SMYD3: variants seen among roughly 807,000 people sequenced by gnomAD.
SMYD3 encodes the protein SET and MYND domain containing 3, also known as histone-lysine N-methyltransferase SMYD3.
SMYD3 carries 36 observed loss-of-function variants against 57.7 expected under a neutral mutation model. That is an observed-to-expected ratio of 0.62 (90% CI 0.48 to 0.82). The LOEUF (loss-of-function observed/expected upper bound fraction) is 0.82. Ranked by LOEUF, SMYD3 falls within the 40% of genes least tolerant of loss-of-function variation. The probability of loss-of-function intolerance (pLI) is 0.00; values close to 1 mark genes in which losing one functional copy is unlikely to be tolerated. For synonymous variants in SMYD3, 211 were observed against 195.0 expected, an observed-to-expected ratio of 1.08 and a Z score of -0.68; for missense variants, 515 against 538.8, an observed-to-expected ratio of 0.96 and a Z score of 0.44.
intron 5 of SMYD3, among the ~76,000 whole-genome samples, chr1:246,120,184 TAG>T (rs1328958712): frequency 6.6e-6 from 1 of 152,206 alleles, no homozygotes; most frequent in Non-Finnish European, 1.5e-5. Flanking sequence ...TCTCCAGGTA[TAG>T]AGAGTATGCC....
At chr1:246,101,518 A>G (rs1573024422) in intron 5 of SMYD3, among the ~76,000 whole-genome samples, 1 of 152,304 alleles carries the variant, frequency 6.6e-6, no homozygotes, top group African/African-American at 2.4e-5. Context: ...CACACTCTCA[A>G]TCATCACTGT....
chr1:246,258,665 C>A (rs2063942394), intron 5 of SMYD3, among the ~76,000 whole-genome samples: 1 of 152,154 alleles, frequency 6.6e-6, no homozygotes, highest in Non-Finnish European at 1.5e-5. Context: ...TTCTTTAGCA[C>A]CGACCTTGAA....
At chr1:245,765,222 TTAA>T (rs1432644215) in intron 10 of SMYD3, among the ~76,000 whole-genome samples, 3,323 of 99,946 alleles carry the variant, frequency 0.033, 144 homozygotes, top group African/African-American at 0.17. Context: ...CCTTTCTCTA[TTAA>T]AAAAAAAAAA....
chr1:245,866,463 G>A (rs1011443348), intron 8 of SMYD3, among the ~76,000 whole-genome samples: 4 of 152,110 alleles, frequency 2.6e-5, no homozygotes, highest in Non-Finnish European at 5.9e-5. Flanking sequence ...TGGATGCGGC[G>A]GCTCATGCCT....
At chr1:245,926,298 A>G (rs989707088) in intron 7 of SMYD3, among the ~76,000 whole-genome samples, 4 of 152,240 alleles carry the variant, frequency 2.6e-5, no homozygotes, top group African/African-American at 9.7e-5. Context: ...ATTAAGACAA[A>G]GAGACACAGT....
intron 5 of SMYD3, among the ~76,000 whole-genome samples, chr1:246,148,071 C>T (rs180960234): frequency 3.9e-5 from 6 of 152,248 alleles, no homozygotes; most frequent in East Asian, 1.9e-4. Flanking sequence ...CCCCGTAAGG[C>T]CCCTCCTTCA....
chr1:246,002,674 G>C (rs113721838), intron 5 of SMYD3, among the ~76,000 whole-genome samples: 60,686 of 62,992 alleles, frequency 0.96, 29,225 homozygotes, highest in Admixed American at 0.98. Context: ...GGATGGTCTC[G>C]ATCTCCTGAC....
chr1:246,287,129 C>T (rs1403269135), intron 5 of SMYD3, among the ~76,000 whole-genome samples: 1 of 152,022 alleles, frequency 6.6e-6, no homozygotes, highest in Non-Finnish European at 1.5e-5. Context: ...GCCTCGGCCT[C>T]CCAAAGTGCA....
At chr1:246,375,798 C>T (rs1195293707) in intron 1 of SMYD3, among the ~76,000 whole-genome samples, 2 of 152,086 alleles carry the variant, frequency 1.3e-5, no homozygotes, top group Non-Finnish European at 2.9e-5. Context: ...GGCATGATCT[C>T]GGCTCACTGC....
At chr1:245,924,270 A>AC (rs1201043157) in intron 7 of SMYD3, among the ~76,000 whole-genome samples, 2 of 152,186 alleles carry the variant, frequency 1.3e-5, no homozygotes, top group African/African-American at 4.8e-5. Flanking sequence ...CTTAAATGAT[A>AC]TTACACATCT....
chr1:246,161,300 A>G (rs1405932243), intron 5 of SMYD3, among the ~76,000 whole-genome samples: 1 of 152,042 alleles, frequency 6.6e-6, no homozygotes, highest in African/African-American at 2.4e-5. Context: ...GTGCACTTCA[A>G]ACTCACTGAG....
intron 11 of SMYD3, among the ~76,000 whole-genome samples, chr1:245,750,720 G>A (rs1258028087): frequency 2.6e-5 from 4 of 152,010 alleles, no homozygotes; most frequent in African/African-American, 7.3e-5. Context: ...TGCCCAAATG[G>A]GGGGGTGGGG....
intron 5 of SMYD3, among the ~76,000 whole-genome samples, chr1:246,132,991 C>T (rs1404242204): frequency 6.6e-6 from 1 of 151,792 alleles, no homozygotes; most frequent in Non-Finnish European, 1.5e-5. Context: ...GAAGAAATGG[C>T]GGCAAGGATG....
chr1:246,140,079 C>G (rs538135965), intron 5 of SMYD3, among the ~76,000 whole-genome samples: 2 of 152,276 alleles, frequency 1.3e-5, no homozygotes, highest in East Asian at 3.9e-4. Context: ...AGAATATTAT[C>G]TAAACCAAGA....
intron 1 of SMYD3, among the ~76,000 whole-genome samples, chr1:246,404,552 A>G (rs1391885788): frequency 6.6e-6 from 1 of 152,202 alleles, no homozygotes; most frequent in Non-Finnish European, 1.5e-5. Context: ...TGCTTCTGCT[A>G]AAAAGTACAG....
In SMYD3 at chr1:245,807,451, A is replaced by G. The variant is rs116630781; in HGVS notation, c.1077-43302T>C. 4.0e-3 allele frequency among the ~76,000 whole-genome samples: 602 copies of G among 152,344 alleles called. 7 individuals are homozygous for G. The highest frequency in any genetic ancestry group is 0.013 in the African/African-American group (541 of 41,586). On this transcript the variant is annotated intron_variant, in intron 10 of 11. Coordinates refer to ENST00000490107, the MANE Select transcript of SMYD3 (RefSeq NM_001167740.2). ...AGTCAGCCTCCGAACTTCCGGTCCA[A>G]TGTTGACACCTTGTTCACTGGTGAC... is the stretch of plus-strand genomic sequence containing the variant.
chr1:245,958,353 C>T (rs950727450), intron 5 of SMYD3, among the ~76,000 whole-genome samples: 1 of 152,196 alleles, frequency 6.6e-6, no homozygotes, highest in African/African-American at 2.4e-5. Context: ...GCCTCTGCAT[C>T]CTTTCCTCAC....
chr1:246,487,627 T>C (rs2068208544), intron 1 of SMYD3, among the ~76,000 whole-genome samples: 2 of 150,964 alleles, frequency 1.3e-5, no homozygotes, highest in Non-Finnish European at 2.9e-5. Context: ...ACAAGAAAAA[T>C]AGTTACAAGC....
intron 1 of SMYD3, among the ~76,000 whole-genome samples, chr1:246,427,106 A>C (rs1294156694): frequency 1.3e-5 from 2 of 152,176 alleles, no homozygotes; most frequent in Non-Finnish European, 2.9e-5. Flanking sequence ...GTATGTAAAC[A>C]AAGAAGGAAA....
Sources: gnomAD v4.1 joint callset for allele counts (sites outside exome capture counted in the v4.1 genomes callset) on GRCh38, gnomAD v4.1.1 for gene constraint, MANE v1.5 for transcripts, NCBI Gene and HGNC (gene_info 2026-07-23, HGNC 2026-07-21) for gene names.